GPR149: variants seen among roughly 807,000 people sequenced by gnomAD.
The protein encoded by GPR149 is G protein-coupled receptor 149.
Under a neutral mutation model 50.2 loss-of-function variants are expected in GPR149, and 50 were observed. That is an observed-to-expected ratio of 1.00 (90% confidence interval 0.79 to 1.26). The LOEUF (loss-of-function observed/expected upper bound fraction) is 1.26, where lower values mean the gene tolerates loss of function less well. GPR149 is among the 50% of genes most tolerant of loss of function. The pLI is 0.00. For missense variants in GPR149, 983 were observed against 895.4 expected (o/e 1.10, Z -1.25); for synonymous variants, 405 against 358.2 (o/e 1.13, Z -1.48).
At chr3:154,363,240 T>G (rs1235721931) in intron 3 of GPR149, among the ~76,000 whole-genome samples, 1 of 152,144 alleles carries the variant, frequency 6.6e-6, no homozygotes. Flanking sequence ...ATTATATTTT[T>G]GCAAATTTAT....
intron 3 of GPR149, among the ~76,000 whole-genome samples, chr3:154,343,336 T>A (rs989027567): frequency 2.6e-5 from 4 of 152,128 alleles, no homozygotes; most frequent in Middle Eastern, 3.2e-3. Context: ...ACTTTCGGTA[T>A]TTCTATATTT....
rs1387488419 is a variant in GPR149 at position 154,337,018 on chromosome 3, T to C, written c.*681A>G. ...CCACCTCTAACACACAATATATTTG[T>C]TTTATGGGACAGTCTTGACATACTG... On this transcript the variant is annotated 3_prime_UTR_variant, in exon 4 of 4. Coordinates refer to ENST00000389740, the MANE Select transcript of GPR149 (RefSeq NM_001038705.3). 2 of 152,128 alleles carry C rather than the reference T, an allele frequency of 1.3e-5. No homozygotes were observed. Among genetic ancestry groups the C allele is most frequent in the African/African-American group, 4.8e-5 (2 of 41,462 alleles). 9.4% of individuals were successfully genotyped at this position (152,128 alleles called of 1,614,324 possible).
intron 3 of GPR149, among the ~76,000 whole-genome samples, chr3:154,378,181 C>T (rs1257685343): frequency 6.7e-6 from 1 of 148,306 alleles, no homozygotes; most frequent in African/African-American, 2.5e-5. Flanking sequence ...TTCCCGGGTT[C>T]CAGTGATCCT....
chr3:154,403,703 G>A (rs970173864), intron 3 of GPR149, among the ~76,000 whole-genome samples: 2 of 151,898 alleles, frequency 1.3e-5, no homozygotes, highest in African/African-American at 4.8e-5. Context: ...ATACAATTCC[G>A]CATGTGGTAT....
intron 3 of GPR149, among the ~76,000 whole-genome samples, chr3:154,420,508 G>A (rs1712110252): frequency 6.6e-6 from 1 of 151,952 alleles, no homozygotes; most frequent in Admixed American, 6.6e-5. Flanking sequence ...TCACGAGAAT[G>A]TATTCTGTAA....
intron 3 of GPR149, among the ~76,000 whole-genome samples, chr3:154,367,291 A>C (rs1488177579): frequency 6.6e-6 from 1 of 152,016 alleles, no homozygotes; most frequent in Non-Finnish European, 1.5e-5. Context: ...TAAACAGTGA[A>C]AATTTTGTTG....
At chr3:154,371,412 A>G (rs1444453916) in intron 3 of GPR149, among the ~76,000 whole-genome samples, 2 of 152,102 alleles carry the variant, frequency 1.3e-5, no homozygotes, top group African/African-American at 4.8e-5. Flanking sequence ...TTATACCCCA[A>G]TCTCGCCACA....
intron 3 of GPR149, among the ~76,000 whole-genome samples, chr3:154,346,278 G>A (rs968615371): frequency 2.6e-5 from 4 of 152,146 alleles, no homozygotes; most frequent in African/African-American, 7.2e-5. Flanking sequence ...AACTTTGTGA[G>A]AAAAACAAAA....
chr3:154,351,434 T>C (rs1714079861), intron 3 of GPR149, among the ~76,000 whole-genome samples: 1 of 151,934 alleles, frequency 6.6e-6, no homozygotes, highest in Non-Finnish European at 1.5e-5. Context: ...CTAAAAATTT[T>C]ATTTGAAAGA....
chr3:154,429,460 A>C lies in GPR149; in HGVS notation c.156T>G (p.Ile52Met), dbSNP rs532667631. Residue 52 changes from isoleucine (I) to methionine (M), a missense_variant, in exon 1 of 4, where the codon ATT (isoleucine) becomes ATG (methionine). Physicochemically the swap from Ile to Met is conservative, Grantham distance 10. Transcript: ENST00000389740. ...LMTFAALVGS[I>M]YSLISLLKMQ... Reference sequence around the variant, plus strand: ...TTTTCAGCAGGGAAATTAGTGAATAAATGCTGCCCACCAAGGCTGCAAAAG... The same window carrying C: ...TTTTCAGCAGGGAAATTAGTGAATACATGCTGCCCACCAAGGCTGCAAAAG... 1.2e-6 allele frequency: 2 copies of C among 1,614,168 alleles called. No homozygotes were observed. Among genetic ancestry groups the C allele is most frequent in the Non-Finnish European group, 8.5e-7 (1 of 1,180,030 alleles).
At chr3:154,353,673 C>T in intron 3 of GPR149, 1 of 1,352,568 alleles carries the variant, frequency 7.4e-7, no homozygotes, top group Non-Finnish European at 1.1e-6. Context: ...TGCCAGTTCC[C>T]TTGCTGGAGC....
chr3:154,362,698 A>G (rs1714440917), intron 3 of GPR149, among the ~76,000 whole-genome samples: 1 of 152,150 alleles, frequency 6.6e-6, no homozygotes, highest in Non-Finnish European at 1.5e-5. Flanking sequence ...GATCTCAGAC[A>G]ATGTGTGTCT....
chr3:154,404,387 T>G (rs539541950), intron 3 of GPR149, among the ~76,000 whole-genome samples: 140 of 152,324 alleles, frequency 9.2e-4, no homozygotes, highest in African/African-American at 3.3e-3. Context: ...TTGGTGTTCT[T>G]TATAAGTTAC....
chr3:154,426,871 CG>C lies in GPR149; in HGVS notation c.1174+644del, dbSNP rs1712316029. Among the ~76,000 whole-genome samples, 14 of 144,434 alleles carry C rather than the reference CG, an allele frequency of 9.7e-5. 1 individual carries two copies. Among genetic ancestry groups the C allele is most frequent in the Non-Finnish European group, 2.1e-4 (14 of 66,280 alleles). The allele number at this position is 144,434 out of a possible 152,430, so 94.8% of individuals were successfully genotyped here. ...GTTTGTTTTTATGTTTGGACCAGGG[CG>C]TGTGTGTGTGTGTGTGTGTGTGTGT... is the stretch of plus-strand genomic sequence containing the variant. On this transcript the variant is annotated intron_variant, in intron 2 of 3. Transcript: ENST00000389740.
chr3:154,408,184 A>T (rs894912610), intron 3 of GPR149, among the ~76,000 whole-genome samples: 19 of 152,192 alleles, frequency 1.2e-4, no homozygotes, highest in African/African-American at 4.6e-4. Flanking sequence ...TAGAAATAAG[A>T]CCTTGTGAAG....
chr3:154,423,811 T>C (rs893161638), intron 2 of GPR149, among the ~76,000 whole-genome samples: 1 of 151,816 alleles, frequency 6.6e-6, no homozygotes, highest in Non-Finnish European at 1.5e-5. Flanking sequence ...ATAAAAAGTG[T>C]CTATGGGGCC....
intron 1 of GPR149, among the ~76,000 whole-genome samples, 195 bp from the exon 2 acceptor site, chr3:154,427,903 G>A (rs958852455): frequency 1.3e-5 from 2 of 152,180 alleles, no homozygotes; most frequent in African/African-American, 2.4e-5. Context: ...CCCAGGGTTG[G>A]GAGGGGTTTC....
At position 154,429,176 on chromosome 3, in the gene GPR149, G is replaced by T. The variant is rs1712410741; in HGVS notation, c.440C>A (p.Ser147Ter). The T allele has an allele frequency of 6.2e-7, 1 of 1,613,846 alleles. No homozygotes were observed. Among genetic ancestry groups the T allele is most frequent in the Non-Finnish European group, 8.5e-7 (1 of 1,179,984 alleles). The change falls in exon 1 of 4, where the codon TCG (serine) becomes TAG (stop). Residue 147 changes from serine to a stop codon, truncating the protein, a stop_gained. Coordinates refer to ENST00000389740, the MANE Select transcript of GPR149 (RefSeq NM_001038705.3). LOFTEE classifies it high-confidence loss of function. ...GVGSQTASRR[S>*]GQVLGVVLTV... Reference sequence around the variant, plus strand: ...CAGCACCACGCCGAGCACCTGGCCCGATCTTCTGGAGGCTGTCTGGCTCCC... The same window carrying T: ...CAGCACCACGCCGAGCACCTGGCCCTATCTTCTGGAGGCTGTCTGGCTCCC...
At chr3:154,406,424 A>C (rs2108421020) in intron 3 of GPR149, among the ~76,000 whole-genome samples, 1 of 152,306 alleles carries the variant, frequency 6.6e-6, no homozygotes. Context: ...TTTATCCTGA[A>C]GCTACACCTC....
Sources: gnomAD v4.1 joint callset for allele counts (sites outside exome capture counted in the v4.1 genomes callset) on GRCh38, gnomAD v4.1.1 for gene constraint, MANE v1.5 for transcripts, NCBI Gene and HGNC (gene_info 2026-07-23, HGNC 2026-07-21) for gene names.